Variants in SLC24A3 observed in about 807,000 individuals in gnomAD.
SLC24A3 encodes solute carrier family 24 member 3, also known as sodium/potassium/calcium exchanger 3.
A neutral mutation model predicts 75.8 loss-of-function variants in SLC24A3; 28 were observed. That is an observed-to-expected ratio of 0.37 (90% confidence interval 0.27 to 0.51). The LOEUF (loss-of-function observed/expected upper bound fraction) is 0.51. SLC24A3 is among the 20% of genes least tolerant of loss of function. SLC24A3 has a pLI of 0.94. For missense variants in SLC24A3, 663 were observed against 847.8 expected (o/e 0.78, Z 2.71); for synonymous variants, 372 against 334.1 (o/e 1.11, Z -1.24).
intron 1 of SLC24A3, among the ~76,000 whole-genome samples, chr20:19,232,296 C>T (rs895401271): frequency 2.0e-5 from 3 of 152,070 alleles, no homozygotes; most frequent in African/African-American, 7.2e-5. Context: ...TGATGATCAG[C>T]TCTCTTTATT....
chr20:19,513,574 G>A (rs1006642645), intron 2 of SLC24A3, among the ~76,000 whole-genome samples: 1 of 152,144 alleles, frequency 6.6e-6, no homozygotes, highest in Non-Finnish European at 1.5e-5. Context: ...TCATTGTTCA[G>A]AGGGGCTCTG....
At chr20:19,353,782 A>G (rs1181887157) in intron 2 of SLC24A3, among the ~76,000 whole-genome samples, 1 of 152,232 alleles carries the variant, frequency 6.6e-6, no homozygotes, top group Non-Finnish European at 1.5e-5. Flanking sequence ...ATGAGATAGT[A>G]CTGCACTAGA....
chr20:19,510,336 G>GTTAT (rs1490163650), intron 2 of SLC24A3, among the ~76,000 whole-genome samples: 1 of 152,244 alleles, frequency 6.6e-6, no homozygotes, highest in Non-Finnish European at 1.5e-5. Flanking sequence ...TTATCCTGAT[G>GTTAT]TTATGCTTGT....
At chr20:19,229,802 C>G (rs906045537) in intron 1 of SLC24A3, among the ~76,000 whole-genome samples, 1 of 152,018 alleles carries the variant, frequency 6.6e-6, no homozygotes, top group African/African-American at 2.4e-5. Context: ...TCTGTAAGAG[C>G]CTATGTTTTT....
chr20:19,580,397 C>T (rs1327197858), intron 4 of SLC24A3, among the ~76,000 whole-genome samples: 1 of 152,124 alleles, frequency 6.6e-6, no homozygotes, highest in Admixed American at 6.5e-5. Flanking sequence ...CTCTTCCTTT[C>T]TGTTACTTCC....
At chr20:19,346,329 GGT>G (rs1568595898) in intron 2 of SLC24A3, among the ~76,000 whole-genome samples, 1 of 58,918 alleles carries the variant, frequency 1.7e-5, no homozygotes, top group Non-Finnish European at 3.3e-5. Flanking sequence ...ATATATATAT[GGT>G]GTATATATAT....
intron 15 of SLC24A3, 81 bp from the exon 16 acceptor site, chr20:19,717,447 T>C (rs976405182): frequency 2.8e-6 from 4 of 1,427,020 alleles, no homozygotes; most frequent in Admixed American, 1.8e-5. Context: ...CAGAGTTGCG[T>C]AGGCAGATGC....
At chr20:19,243,333 C>T (rs1038991377) in intron 1 of SLC24A3, among the ~76,000 whole-genome samples, 2 of 152,178 alleles carry the variant, frequency 1.3e-5, no homozygotes, top group African/African-American at 2.4e-5. Context: ...ACGGGGTGGG[C>T]TACAGGAGGT....
At chr20:19,441,319 G>C (rs576667132) in intron 2 of SLC24A3, among the ~76,000 whole-genome samples, 86 of 152,224 alleles carry the variant, frequency 5.6e-4, no homozygotes, top group African/African-American at 2.0e-3. Flanking sequence ...GCCACACACA[G>C]GGCTAGCACA....
At chr20:19,379,185 T>A (rs1172986022) in intron 2 of SLC24A3, among the ~76,000 whole-genome samples, 1 of 152,158 alleles carries the variant, frequency 6.6e-6, no homozygotes, top group East Asian at 1.9e-4. Context: ...GTCCTGGGCA[T>A]CTTGGGTGAG....
Position 19,213,995 on chromosome 20 carries a change from T to A in SLC24A3, c.142+1011T>A, listed in dbSNP as rs548081232. Among the ~76,000 whole-genome samples the A allele has an allele frequency of 2.6e-5, 4 of 152,308 alleles. No individual in the cohort carries two copies. The South Asian group carries it at 8.3e-4, about 32-fold the overall frequency. ...ACAGTTACAAGTATGTGCTGTGGTGTTGAGGTCGACGTAGCTCTAATGCAA... is the reference window on the plus strand; with the variant it reads ...ACAGTTACAAGTATGTGCTGTGGTGATGAGGTCGACGTAGCTCTAATGCAA... On this transcript the variant is annotated intron_variant, in intron 1 of 16. Coordinates refer to ENST00000328041, the MANE Select transcript of SLC24A3 (RefSeq NM_020689.4).
At chr20:19,522,321 C>CTGGCTT (rs963129651) in intron 3 of SLC24A3, among the ~76,000 whole-genome samples, 1 of 152,178 alleles carries the variant, frequency 6.6e-6, no homozygotes, top group African/African-American at 2.4e-5. Context: ...AAGGGCTGGC[C>CTGGCTT]TGGCTTTAGC....
chr20:19,431,265 A>T (rs761225), intron 2 of SLC24A3, among the ~76,000 whole-genome samples: 63,569 of 151,230 alleles, frequency 0.42, 13,873 homozygotes, highest in African/African-American at 0.52. Context: ...AGGGTTTTAT[A>T]AGAGAAATGC....
intron 2 of SLC24A3, among the ~76,000 whole-genome samples, chr20:19,427,094 T>G (rs1987021558): frequency 1.3e-5 from 2 of 152,038 alleles, no homozygotes; most frequent in African/African-American, 4.8e-5. Flanking sequence ...TGTGTCTCTG[T>G]GTGCATGTGT....
chr20:19,429,052 A>AT (rs371127554), intron 2 of SLC24A3, among the ~76,000 whole-genome samples: 3 of 152,178 alleles, frequency 2.0e-5, no homozygotes, highest in African/African-American at 7.2e-5. Context: ...ATATAATGCT[A>AT]TTTTTTAGAA....
At chr20:19,584,537 G>A (rs1321524800) in intron 4 of SLC24A3, among the ~76,000 whole-genome samples, 1 of 152,114 alleles carries the variant, frequency 6.6e-6, no homozygotes, top group Non-Finnish European at 1.5e-5. Flanking sequence ...AGGGAACTGG[G>A]CAATGCTGCC....
intron 3 of SLC24A3, among the ~76,000 whole-genome samples, chr20:19,524,435 G>A (rs1292191112): frequency 6.6e-6 from 1 of 152,236 alleles, no homozygotes; most frequent in Non-Finnish European, 1.5e-5. Flanking sequence ...GATGTTTGGG[G>A]AATGAGCTTT....
At chr20:19,575,242 G>A (rs997193862) in intron 3 of SLC24A3, among the ~76,000 whole-genome samples, 6 of 119,030 alleles carry the variant, frequency 5.0e-5, no homozygotes, top group African/African-American at 1.9e-4. Context: ...GGGTGACAGA[G>A]TGAGACACTC....
chr20:19,572,170 C>T (rs2031062580), intron 3 of SLC24A3, among the ~76,000 whole-genome samples: 1 of 152,040 alleles, frequency 6.6e-6, no homozygotes, highest in African/African-American at 2.4e-5. Flanking sequence ...GGAGCCCCCT[C>T]CCCCTCTAAA....
Sources: gnomAD v4.1 joint callset for allele counts (sites outside exome capture counted in the v4.1 genomes callset) on GRCh38, gnomAD v4.1.1 for gene constraint, MANE v1.5 for transcripts, NCBI Gene and HGNC (gene_info 2026-07-23, HGNC 2026-07-21) for gene names.